The following PTPRT variants were observed in gnomAD, a reference collection of about 807,000 sequenced individuals.
PTPRT encodes receptor-type tyrosine-protein phosphatase T.
A neutral mutation model predicts 176.8 loss-of-function variants in PTPRT; 56 were observed. That is an observed-to-expected ratio of 0.32 (90% confidence interval 0.26 to 0.40). PTPRT has a LOEUF of 0.40. Ranked by LOEUF, PTPRT falls within the 10% of genes least tolerant of loss-of-function variation. The pLI, the probability that PTPRT is intolerant of heterozygous loss-of-function variation, is 1.00. For synonymous variants in PTPRT, 783 were observed against 739.0 expected (o/e 1.06, Z -0.96); for missense variants, 1,540 against 1,908.2 (o/e 0.81, Z 3.60).
chr20:42,527,088 C>T (rs2072287653), intron 7 of PTPRT, among the ~76,000 whole-genome samples: 2 of 151,412 alleles, frequency 1.3e-5, no homozygotes, highest in South Asian at 2.1e-4. Context: ...CTCAGCCTCC[C>T]AAGTGACTGG....
chr20:42,068,773 T>G (rs1329702328), downstream of PTPRT, among the ~76,000 whole-genome samples: 2 of 152,198 alleles, frequency 1.3e-5, no homozygotes, highest in Non-Finnish European at 2.9e-5. Context: ...CCGCCAGGTG[T>G]GGTCCCATGT....
intron 7 of PTPRT, among the ~76,000 whole-genome samples, chr20:42,624,761 T>C (rs777298236): frequency 6.6e-6 from 1 of 152,230 alleles, no homozygotes; most frequent in Non-Finnish European, 1.5e-5. Flanking sequence ...GATACATGCA[T>C]AACACATTTT....
At chr20:42,427,888 G>A (rs1006960978) in intron 9 of PTPRT, among the ~76,000 whole-genome samples, 1 of 152,076 alleles carries the variant, frequency 6.6e-6, no homozygotes. Context: ...CCTTGAGAAT[G>A]TACTTTGTGA....
chr20:42,812,940 T>C (rs980070881), intron 2 of PTPRT, among the ~76,000 whole-genome samples: 3 of 152,152 alleles, frequency 2.0e-5, no homozygotes, highest in Non-Finnish European at 4.4e-5. Flanking sequence ...TATATCTTTA[T>C]GTCTGTATCT....
At chr20:42,102,431 G>T in intron 25 of PTPRT, 134 bp from the exon 26 acceptor site, 1 of 974,970 alleles carries the variant, frequency 1.0e-6, no homozygotes, top group Non-Finnish European at 1.5e-6. Flanking sequence ...CCCTTTCCCG[G>T]GACCCATTTC....
At chr20:42,270,375 C>A in intron 13 of PTPRT, 1 of 1,514,966 alleles carries the variant, frequency 6.6e-7, no homozygotes, top group South Asian at 1.2e-5. Context: ...CCCTCCCACC[C>A]GCCCAGGGCT....
intron 17 of PTPRT, among the ~76,000 whole-genome samples, chr20:42,143,163 G>C (rs1988704342): frequency 6.6e-6 from 1 of 152,080 alleles, no homozygotes; most frequent in African/African-American, 2.4e-5. Flanking sequence ...TTTTGGGCAG[G>C]GGAATCATCT....
intron 7 of PTPRT, among the ~76,000 whole-genome samples, chr20:42,676,686 C>T (rs2075509996): frequency 6.6e-6 from 1 of 152,144 alleles, no homozygotes; most frequent in Middle Eastern, 3.2e-3. Flanking sequence ...TATTGAGTCT[C>T]TATTCCTTTG....
At chr20:43,163,375 G>A (rs540431903) in intron 1 of PTPRT, among the ~76,000 whole-genome samples, 56 of 152,162 alleles carry the variant, frequency 3.7e-4, no homozygotes, top group East Asian at 9.7e-4. Flanking sequence ...GCGGTGGCTC[G>A]TGACTGTAAT....
At chr20:42,243,016 G>C (rs964809950) in intron 14 of PTPRT, among the ~76,000 whole-genome samples, 1 of 140,960 alleles carries the variant, frequency 7.1e-6, no homozygotes, top group African/African-American at 2.5e-5. Flanking sequence ...AGACAATGGA[G>C]GAAGAGGAGG....
chr20:42,102,138 C>T lies in PTPRT; in HGVS notation c.3700G>A (p.Ala1234Thr). The T allele has an allele frequency of 1.9e-6, 3 of 1,614,056 alleles. No individual in the cohort carries two copies. Among genetic ancestry groups the T allele is most frequent in the East Asian group, 2.2e-5 (1 of 44,872 alleles). The change falls in exon 26 of 31, where the codon GCA becomes ACA. Residue 1234 changes from alanine (A) to threonine (T), a missense_variant. Physicochemically the swap from Ala to Thr is moderately conservative, Grantham distance 58. Coordinates refer to ENST00000373187, the MANE Select transcript of PTPRT (RefSeq NM_007050.6). ...GCTCGGCTTACATCCATCAGTGCTG[C>T]GTTGATGTAATTGCTGGATTCTCCG... The part of the protein sequence containing the change: ...VDGESSNYIN[A>T]ALMDSHKQPA...
chr20:42,273,204 T>G (rs1033213311), intron 13 of PTPRT, among the ~76,000 whole-genome samples: 13 of 152,206 alleles, frequency 8.5e-5, no homozygotes, highest in Non-Finnish European at 1.6e-4. Flanking sequence ...CCCTGTGCAG[T>G]AAGTGGTAGT....
intron 11 of PTPRT, among the ~76,000 whole-genome samples, chr20:42,333,518 G>A (rs1488985603): frequency 6.6e-6 from 1 of 151,956 alleles, no homozygotes; most frequent in Non-Finnish European, 1.5e-5. Flanking sequence ...ATTTTTAGTG[G>A]AGACGGGGTT....
chr20:42,210,865 T>G (rs1343061385), intron 15 of PTPRT, among the ~76,000 whole-genome samples: 1 of 152,110 alleles, frequency 6.6e-6, no homozygotes, highest in Non-Finnish European at 1.5e-5. Context: ...AGAACAAAGC[T>G]GGAGGCATCA....
intron 6 of PTPRT, among the ~76,000 whole-genome samples, chr20:42,692,304 A>G (rs934708144): frequency 6.6e-6 from 1 of 152,228 alleles, no homozygotes; most frequent in African/African-American, 2.4e-5. Flanking sequence ...TACATATTGT[A>G]TTACCAAGCC....
chr20:42,492,340 C>T lies in PTPRT; in HGVS notation c.1154-19778G>A, dbSNP rs181292623. Among the ~76,000 whole-genome samples the T allele has an allele frequency of 2.5e-3, 382 of 152,280 alleles. 3 individuals carry two copies. The highest frequency in any genetic ancestry group is 9.0e-3 in the African/African-American group (372 of 41,562). ...GAGAGATCCAGTTTCTTTGCATCCTCGCTATAATCTGGTGCTATCACTACT... is the reference window on the plus strand; with the variant it reads ...GAGAGATCCAGTTTCTTTGCATCCTTGCTATAATCTGGTGCTATCACTACT... On this transcript the variant is annotated intron_variant, in intron 7 of 30. Transcript: ENST00000373187.
chr20:43,145,477 G>A (rs936868523), intron 1 of PTPRT, among the ~76,000 whole-genome samples: 2 of 152,100 alleles, frequency 1.3e-5, no homozygotes, highest in African/African-American at 4.8e-5. Context: ...ATTTCCCCTT[G>A]ACTGAAGAAC....
At chr20:42,826,340 A>G (rs2145675191) in intron 2 of PTPRT, among the ~76,000 whole-genome samples, 1 of 152,362 alleles carries the variant, frequency 6.6e-6, no homozygotes, top group South Asian at 2.1e-4. Context: ...GTTCATCCAT[A>G]AAAATCCAGT....
chr20:42,987,628 C>T (rs1240587738), intron 1 of PTPRT, among the ~76,000 whole-genome samples: 6 of 152,026 alleles, frequency 3.9e-5, no homozygotes, highest in African/African-American at 7.2e-5. Flanking sequence ...ACTCACCCCG[C>T]CCACACTCCG....
Sources: gnomAD v4.1 joint callset for allele counts (sites outside exome capture counted in the v4.1 genomes callset) on GRCh38, gnomAD v4.1.1 for gene constraint, MANE v1.5 for transcripts, NCBI Gene and HGNC (gene_info 2026-07-23, HGNC 2026-07-21) for gene names.